Variants in ARHGAP26 observed in about 807,000 individuals in gnomAD.
ARHGAP26 encodes rho GTPase-activating protein 26.
Under a neutral mutation model 104.8 loss-of-function variants are expected in ARHGAP26, and 38 were observed. The ratio of observed to expected loss-of-function variants is 0.36; its 90% CI spans 0.28 to 0.48. The LOEUF (loss-of-function observed/expected upper bound fraction) is 0.48, where lower values mean the gene tolerates loss of function less well. Ranked by LOEUF, ARHGAP26 falls within the 20% of genes least tolerant of loss-of-function variation. The pLI, the probability that ARHGAP26 is intolerant of heterozygous loss-of-function variation, is 0.99. For missense variants in ARHGAP26, 704 were observed against 947.9 expected, an observed-to-expected ratio of 0.74 and a Z score of 3.38; for synonymous variants, 341 against 340.0, an observed-to-expected ratio of 1.00 and a Z score of -0.03.
At chr5:142,995,870 G>T (rs944342983) in intron 11 of ARHGAP26, among the ~76,000 whole-genome samples, 1 of 152,172 alleles carries the variant, frequency 6.6e-6, no homozygotes, top group Non-Finnish European at 1.5e-5. Flanking sequence ...TAGGGACATG[G>T]TTGAAGCTGG....
intron 11 of ARHGAP26, among the ~76,000 whole-genome samples, chr5:142,994,930 G>A (rs1196672216): frequency 6.6e-6 from 1 of 152,196 alleles, no homozygotes; most frequent in Non-Finnish European, 1.5e-5. Flanking sequence ...ATGGGGGAAG[G>A]ATTCCCTATT....
chr5:142,771,476 A>G (rs1032461049), intron 1 of ARHGAP26: 15 of 1,144,240 alleles, frequency 1.3e-5, no homozygotes, highest in East Asian at 1.3e-4. Context: ...TCCTTGGAGT[A>G]TTGGCAGCCA....
chr5:142,837,754 G>T (rs1769878848), intron 1 of ARHGAP26, among the ~76,000 whole-genome samples: 1 of 152,064 alleles, frequency 6.6e-6, no homozygotes, highest in Non-Finnish European at 1.5e-5. Context: ...CGTCAGCCTT[G>T]GTAGAATAGT....
intron 12 of ARHGAP26, among the ~76,000 whole-genome samples, chr5:143,036,984 A>G (rs1782749869): frequency 6.6e-6 from 1 of 152,216 alleles, no homozygotes; most frequent in South Asian, 2.1e-4. Context: ...TACTACATGC[A>G]AAGCACTTAA....
chr5:143,067,396 T>C (rs774908873), intron 17 of ARHGAP26, among the ~76,000 whole-genome samples: 8 of 152,336 alleles, frequency 5.3e-5, no homozygotes, highest in Non-Finnish European at 1.2e-4. Flanking sequence ...GAAATCTGTA[T>C]TGAAGTATTA....
chr5:143,226,515 T>C lies in ARHGAP26; in HGVS notation c.*4069T>C, dbSNP rs1414595220. The C allele has an allele frequency of 5.4e-6, 1 of 184,408 alleles. No homozygotes were observed. Among genetic ancestry groups the C allele is most frequent in the Admixed American group, 6.3e-5 (1 of 15,804 alleles). 11.4% of individuals were successfully genotyped at this position (184,408 alleles called of 1,614,324 possible). The stretch of plus-strand genomic sequence containing the variant: ...AAAAAAAAAAAAAAAAAGAATGCCA[T>C]GCCAGGAGAAGACAGCTGGTTTCAA... On this transcript the variant is annotated 3_prime_UTR_variant, in exon 23 of 23. Transcript: ENST00000645722.
At chr5:143,045,538 A>G (rs1214063358) in intron 14 of ARHGAP26, among the ~76,000 whole-genome samples, 4 of 152,222 alleles carry the variant, frequency 2.6e-5, no homozygotes, top group African/African-American at 9.6e-5. Context: ...TAAACATGGC[A>G]CCTGTGCTCC....
At chr5:142,845,695 G>T (rs1381569078) in intron 1 of ARHGAP26, among the ~76,000 whole-genome samples, 1 of 152,208 alleles carries the variant, frequency 6.6e-6, no homozygotes, top group African/African-American at 2.4e-5. Context: ...AAGCAGCTGA[G>T]TGTCAGCTCT....
chr5:143,110,388 C>T (rs567911205), intron 17 of ARHGAP26, among the ~76,000 whole-genome samples: 1 of 152,196 alleles, frequency 6.6e-6, no homozygotes, highest in Non-Finnish European at 1.5e-5. Context: ...CAGTTTTGGC[C>T]TTTGTGCTGG....
intron 17 of ARHGAP26, among the ~76,000 whole-genome samples, chr5:143,064,165 C>A (rs1285438456): frequency 6.6e-6 from 1 of 152,038 alleles, no homozygotes; most frequent in Admixed American, 6.5e-5. Flanking sequence ...AAGCCACACC[C>A]TATCCCCCAG....
At chr5:143,085,899 A>C (rs1790525653) in intron 17 of ARHGAP26, among the ~76,000 whole-genome samples, 1 of 152,230 alleles carries the variant, frequency 6.6e-6, no homozygotes, top group Non-Finnish European at 1.5e-5. Flanking sequence ...ATGGTTTCTT[A>C]TAATATTTAA....
At chr5:143,182,952 G>A (rs1023349565) in intron 20 of ARHGAP26, among the ~76,000 whole-genome samples, 7 of 152,040 alleles carry the variant, frequency 4.6e-5, no homozygotes, top group African/African-American at 1.7e-4. Flanking sequence ...GTTGGGAAGT[G>A]CCCCAGCAGG....
intron 11 of ARHGAP26, among the ~76,000 whole-genome samples, chr5:142,938,488 A>G (rs1481296358): frequency 6.6e-6 from 1 of 152,194 alleles, no homozygotes; most frequent in Non-Finnish European, 1.5e-5. Context: ...GCTCAGGAAA[A>G]TTTTAGAGAC....
chr5:143,121,216 A>T, intron 18 of ARHGAP26, 69 bp downstream of exon 18: 1 of 1,525,338 alleles, frequency 6.6e-7, no homozygotes, highest in South Asian at 1.2e-5. Context: ...ATTGACCTTC[A>T]GAGTTGGCTC....
intron 11 of ARHGAP26, among the ~76,000 whole-genome samples, chr5:142,943,891 T>C (rs1193017561): frequency 6.6e-6 from 1 of 152,132 alleles, no homozygotes; most frequent in African/African-American, 2.4e-5. Context: ...TAGCTTAACC[T>C]TTGGGGAATA....
intron 19 of ARHGAP26, among the ~76,000 whole-genome samples, chr5:143,143,776 G>C (rs1173301076): frequency 6.6e-6 from 1 of 152,234 alleles, no homozygotes; most frequent in Non-Finnish European, 1.5e-5. Flanking sequence ...GTTAATGGAT[G>C]CTGTATGGCC....
At chr5:142,828,491 G>T (rs571937218) in intron 1 of ARHGAP26, among the ~76,000 whole-genome samples, 1 of 152,136 alleles carries the variant, frequency 6.6e-6, no homozygotes, top group Non-Finnish European at 1.5e-5. Flanking sequence ...AAATTTAAAA[G>T]AAAAACATGG....
intron 10 of ARHGAP26, among the ~76,000 whole-genome samples, chr5:142,923,581 AGCATGATGACTG>A (rs953190052): frequency 6.6e-6 from 1 of 152,196 alleles, no homozygotes; most frequent in Non-Finnish European, 1.5e-5. Flanking sequence ...CCTGATACCT[AGCATGATGACTG>A]GCACATAATA....
chr5:143,088,063 C>CTCACA (rs1790858399), intron 17 of ARHGAP26, among the ~76,000 whole-genome samples: 2 of 152,164 alleles, frequency 1.3e-5, no homozygotes. Context: ...TGTGGCACTT[C>CTCACA]TAAAAGGTCT....
Sources: gnomAD v4.1 joint callset for allele counts (sites outside exome capture counted in the v4.1 genomes callset) on GRCh38, gnomAD v4.1.1 for gene constraint, MANE v1.5 for transcripts, NCBI Gene and HGNC (gene_info 2026-07-23, HGNC 2026-07-21) for gene names.